IGF1R: variants seen among roughly 807,000 people sequenced by gnomAD.
The protein encoded by IGF1R is insulin like growth factor 1 receptor, also known as insulin-like growth factor 1 receptor.
In IGF1R, 44 loss-of-function variants were observed where a neutral mutation model predicts 144.6. The observed-to-expected ratio is 0.30, with a 90% CI of 0.24 to 0.39. IGF1R has a LOEUF of 0.39. Among genes scored for constraint, IGF1R ranks in the 10% least tolerant of loss-of-function variants. The pLI is 1.00. For synonymous variants in IGF1R, 795 were observed against 722.8 expected, an observed-to-expected ratio of 1.10 and a Z score of -1.60; for missense variants, 1,355 against 1,833.7, an observed-to-expected ratio of 0.74 and a Z score of 4.77.
intron 20 of IGF1R, chr15:98,954,238 G>C (rs72752895): frequency 6.6e-6 from 1 of 152,026 alleles, no homozygotes; most frequent in Non-Finnish European, 1.5e-5. Context: ...CAGCCTCCGG[G>C]GGGGGTCACA....
chr15:98,782,112 A>G (rs2055874490), intron 2 of IGF1R, among the ~76,000 whole-genome samples: 2 of 152,254 alleles, frequency 1.3e-5, no homozygotes, highest in Non-Finnish European at 2.9e-5. Flanking sequence ...AGCATTTCTC[A>G]AACCTATTTG....
intron 2 of IGF1R, among the ~76,000 whole-genome samples, chr15:98,753,972 C>T (rs991980059): frequency 6.6e-6 from 1 of 152,224 alleles, no homozygotes; most frequent in African/African-American, 2.4e-5. Flanking sequence ...CTTCTTGATA[C>T]TGCAGGGCTC....
intron 2 of IGF1R, among the ~76,000 whole-genome samples, chr15:98,854,556 G>A (rs1034530152): frequency 6.6e-6 from 1 of 152,156 alleles, no homozygotes; most frequent in South Asian, 2.1e-4. Flanking sequence ...TTCATCTTTT[G>A]CTGGGTTTCT....
intron 20 of IGF1R, among the ~76,000 whole-genome samples, chr15:98,952,632 G>A (rs935178223): frequency 4.6e-5 from 7 of 152,118 alleles, no homozygotes; most frequent in African/African-American, 1.4e-4. Flanking sequence ...TCGGGTAAAC[G>A]TTTATCTACA....
intron 1 of IGF1R, among the ~76,000 whole-genome samples, chr15:98,674,478 G>T (rs1056099483): frequency 2.0e-5 from 3 of 152,142 alleles, no homozygotes; most frequent in Admixed American, 6.5e-5. Flanking sequence ...GAGGTCTACA[G>T]AGCGCGTTCA....
At chr15:98,933,419 C>G (rs1045510849) in intron 15 of IGF1R, among the ~76,000 whole-genome samples, 1 of 152,116 alleles carries the variant, frequency 6.6e-6, no homozygotes, top group African/African-American at 2.4e-5. Flanking sequence ...TCTCAGCTCC[C>G]AGTAGCCTCA....
chr15:98,712,740 G>T (rs2054022755), intron 2 of IGF1R, among the ~76,000 whole-genome samples: 2 of 151,726 alleles, frequency 1.3e-5, no homozygotes, highest in Non-Finnish European at 2.9e-5. Flanking sequence ...CTCCTGAGTA[G>T]CTGGGATTAC....
chr15:98,750,616 G>T (rs1201868596), intron 2 of IGF1R, among the ~76,000 whole-genome samples: 3 of 152,160 alleles, frequency 2.0e-5, no homozygotes, highest in Admixed American at 2.0e-4. Context: ...TTGAGGCCAG[G>T]AGTTCAAGCC....
chr15:98,648,990 C>G lies in IGF1R; in HGVS notation c.-592C>G, dbSNP rs1257128673. ...GGATTTGGGAAGGAGCTCGCCGCGG[C>G]GGCGGCGGCGCTGAGGGAGGAGGCG... On this transcript the variant is annotated 5_prime_UTR_variant, in exon 1 of 21. Transcript: ENST00000650285. The G allele has an allele frequency of 4.7e-6, 1 of 213,932 alleles. No individual in the cohort carries two copies. Among genetic ancestry groups the G allele is most frequent in the African/African-American group, 2.3e-5 (1 of 42,884 alleles). The allele number at this position is 213,932 out of a possible 1,614,324, so 13.3% of individuals were successfully genotyped here. A position where few individuals can be genotyped will look rare whatever the true frequency, so the allele number is the denominator to read the frequency against.
chr15:98,675,360 G>A lies in IGF1R; in HGVS notation c.94+25685G>A, dbSNP rs191357117. The stretch of plus-strand genomic sequence containing the variant: ...TGTATTGTTGTTGATACACTACTCT[G>A]ATTAATTCTTTGGGCTAGATTCCTA... On this transcript the variant is annotated intron_variant, in intron 1 of 20. Coordinates refer to ENST00000650285, the MANE Select transcript of IGF1R (RefSeq NM_000875.5). Among the ~76,000 whole-genome samples the A allele has an allele frequency of 5.9e-5, 9 of 152,292 alleles. No homozygotes were observed. In the East Asian group the frequency reaches 1.7e-3, roughly 29 times the overall value.
At chr15:98,705,414 T>G in intron 1 of IGF1R, among the ~76,000 whole-genome samples, 1 of 152,186 alleles carries the variant, frequency 6.6e-6, no homozygotes, top group East Asian at 1.9e-4. Context: ...AGTTTTGCTA[T>G]GTAGGGGCTG....
chr15:98,844,454 G>A (rs968611283), intron 2 of IGF1R, among the ~76,000 whole-genome samples: 1 of 152,050 alleles, frequency 6.6e-6, no homozygotes, highest in Non-Finnish European at 1.5e-5. Flanking sequence ...AACTATTTAC[G>A]GTTTGGGGTA....
intron 2 of IGF1R, among the ~76,000 whole-genome samples, chr15:98,758,435 A>T (rs1294085684): frequency 1.3e-5 from 2 of 152,046 alleles, no homozygotes; most frequent in Non-Finnish European, 2.9e-5. Flanking sequence ...GCCGTCACAC[A>T]AGTCATGGGT....
intron 2 of IGF1R, among the ~76,000 whole-genome samples, chr15:98,845,138 G>A (rs2011261223): frequency 6.6e-6 from 1 of 152,132 alleles, no homozygotes; most frequent in Non-Finnish European, 1.5e-5. Context: ...TAGACGGTCA[G>A]TAGCACCGAG....
intron 2 of IGF1R, among the ~76,000 whole-genome samples, chr15:98,778,556 G>A (rs1048464619): frequency 6.6e-6 from 1 of 152,240 alleles, no homozygotes; most frequent in Admixed American, 6.5e-5. Context: ...CTTGATAAGA[G>A]TACGGTCTTT....
chr15:98,767,364 G>A (rs1368156427), intron 2 of IGF1R, among the ~76,000 whole-genome samples: 1 of 152,134 alleles, frequency 6.6e-6, no homozygotes, highest in Non-Finnish European at 1.5e-5. Flanking sequence ...TGACCCTTCT[G>A]TCAGGTTGCT....
rs768636512 is a variant in IGF1R, at chr15:98,922,371, G to A, written c.2425G>A (p.Glu809Lys). Reference sequence around the variant, plus strand: ...CATCGATATCCACAGCTGCAACCACGAGGCTGAGAAGCTGGGCTGCAGCGC... The same window carrying A: ...CATCGATATCCACAGCTGCAACCACAAGGCTGAGAAGCTGGGCTGCAGCGC... Reference protein sequence around the residue: ...YRIDIHSCNHEAEKLGCSASN... With the variant: ...YRIDIHSCNHKAEKLGCSASN... Residue 809 changes from glutamate (E) to lysine (K), a missense_variant, in exon 11 of 21, where the codon GAG becomes AAG. Around this residue, in one of 7 missense-constraint regions of IGF1R, gnomAD observed 880 missense variants for 1,202.7 expected, o/e 0.73. Transcript: ENST00000650285. 3 of 1,614,120 alleles carry A rather than the reference G, an allele frequency of 1.9e-6. No individual in the cohort carries two copies. Among genetic ancestry groups the A allele is most frequent in the South Asian group, 2.2e-5 (2 of 91,080 alleles).
chr15:98,769,748 A>G (rs2055537309), intron 2 of IGF1R, among the ~76,000 whole-genome samples: 1 of 152,206 alleles, frequency 6.6e-6, no homozygotes, highest in Admixed American at 6.5e-5. Flanking sequence ...TATTTTCTGT[A>G]TCTCATTTTG....
chr15:98,770,052 T>C (rs2055544647), intron 2 of IGF1R, among the ~76,000 whole-genome samples: 1 of 152,176 alleles, frequency 6.6e-6, no homozygotes, highest in Admixed American at 6.5e-5. Flanking sequence ...CAGTCAGCAC[T>C]TGCTGCCTCT....
Sources: allele counts gnomAD v4.1 joint callset (sites outside exome capture counted in the v4.1 genomes callset), GRCh38; gene constraint gnomAD v4.1.1; regional missense constraint gnomAD v4.1.1; transcripts MANE v1.5; gene names NCBI Gene and HGNC (gene_info 2026-07-23, HGNC 2026-07-21).